Variants in CDKL3 observed in about 807,000 individuals in gnomAD.
CDKL3 encodes the protein cyclin-dependent kinase-like 3.
A neutral mutation model predicts 69.3 loss-of-function variants in CDKL3; 65 were observed. That is an observed-to-expected ratio of 0.94 (90% CI 0.77 to 1.15). The LOEUF (loss-of-function observed/expected upper bound fraction) is 1.15, where lower values mean the gene tolerates loss of function less well. CDKL3 is among the 50% of genes most tolerant of loss of function. The probability of loss-of-function intolerance (pLI) is 0.00; values close to 1 mark genes in which losing one functional copy is unlikely to be tolerated. For missense variants in CDKL3, 652 were observed against 689.2 expected (o/e 0.95, Z 0.61); for synonymous variants, 202 against 221.6 (o/e 0.91, Z 0.79).
intron 3 of CDKL3, among the ~76,000 whole-genome samples, chr5:134,353,785 CTT>C (rs1421609070): frequency 1.3e-5 from 2 of 152,056 alleles, no homozygotes; most frequent in African/African-American, 2.4e-5. Flanking sequence ...GTCTCGATCT[CTT>C]GACCTTGTGA....
At chr5:134,288,028 G>T (rs1168007488) in intron 8 of CDKL3, among the ~76,000 whole-genome samples, 1 of 151,660 alleles carries the variant, frequency 6.6e-6, no homozygotes, top group Admixed American at 6.6e-5. Flanking sequence ...CCGAGTAGCT[G>T]GGATTACAGA....
At chr5:134,288,705 T>C (rs2149403398) in intron 8 of CDKL3, among the ~76,000 whole-genome samples, 1 of 152,278 alleles carries the variant, frequency 6.6e-6, no homozygotes, top group East Asian at 1.9e-4. Flanking sequence ...ACTACTAAAT[T>C]TCATCACTAC....
At chr5:134,349,958 C>G (rs1752852644) in intron 4 of CDKL3, among the ~76,000 whole-genome samples, 1 of 152,088 alleles carries the variant, frequency 6.6e-6, no homozygotes, top group Non-Finnish European at 1.5e-5. Flanking sequence ...GAGGCCGAGG[C>G]AGGTAGATCA....
intron 4 of CDKL3, among the ~76,000 whole-genome samples, chr5:134,334,903 G>A (rs546459117): frequency 2.6e-5 from 4 of 152,254 alleles, no homozygotes; most frequent in Admixed American, 6.5e-5. Context: ...GTCTGATATT[G>A]ACCGTGGGGT....
chr5:134,329,077 A>G (rs573215130), intron 4 of CDKL3, among the ~76,000 whole-genome samples: 24 of 152,348 alleles, frequency 1.6e-4, no homozygotes, highest in African/African-American at 5.8e-4. Context: ...ACAGTTCCTC[A>G]TACCTGTAAT....
At chr5:134,369,402 C>T (rs1276301992), upstream of CDKL3, among the ~76,000 whole-genome samples, 1 of 152,166 alleles carries the variant, frequency 6.6e-6, no homozygotes, top group Non-Finnish European at 1.5e-5. Context: ...CTTTTGTATC[C>T]ATTCGTCAGC....
intron 7 of CDKL3, among the ~76,000 whole-genome samples, chr5:134,309,408 T>C (rs923560220): frequency 1.3e-5 from 2 of 152,212 alleles, no homozygotes; most frequent in African/African-American, 4.8e-5. Context: ...AATAGAACTT[T>C]AAAAATGAAC....
intron 6 of CDKL3, among the ~76,000 whole-genome samples, chr5:134,315,823 A>G (rs1770911595): frequency 6.6e-6 from 1 of 152,206 alleles, no homozygotes; most frequent in Non-Finnish European, 1.5e-5. Context: ...CTCATCTCAA[A>G]TAACAATAAT....
intron 4 of CDKL3, among the ~76,000 whole-genome samples, chr5:134,322,898 G>T (rs556838869): frequency 6.6e-6 from 1 of 151,808 alleles, no homozygotes; most frequent in Non-Finnish European, 1.5e-5. Flanking sequence ...AAAATCACTT[G>T]AACCCGGGAG....
chr5:134,296,576 T>G (rs1308064381), downstream of CDKL3, among the ~76,000 whole-genome samples: 1 of 152,208 alleles, frequency 6.6e-6, no homozygotes, highest in Non-Finnish European at 1.5e-5. Context: ...AAAGGTGAAC[T>G]ATAAGACATA....
upstream of CDKL3, among the ~76,000 whole-genome samples, chr5:134,368,411 G>A (rs1238838105): frequency 2.6e-5 from 4 of 152,094 alleles, no homozygotes; most frequent in African/African-American, 9.7e-5. Flanking sequence ...GAGGTCAGGA[G>A]ATCGAGACCA....
intron 3 of CDKL3, among the ~76,000 whole-genome samples, chr5:134,357,418 T>C (rs1157895006): frequency 1.3e-5 from 2 of 151,430 alleles, no homozygotes; most frequent in Non-Finnish European, 2.9e-5. Context: ...CAGCCTGGGC[T>C]ACAGAGCAAG....
chr5:134,351,291 A>G (rs2149603797), intron 3 of CDKL3, among the ~76,000 whole-genome samples: 1 of 152,094 alleles, frequency 6.6e-6, no homozygotes, highest in Admixed American at 6.5e-5. Flanking sequence ...TTCCTGGTCA[A>G]TCTCACGTAC....
chr5:134,354,454 A>C (rs1167782067), intron 3 of CDKL3, among the ~76,000 whole-genome samples: 2 of 152,184 alleles, frequency 1.3e-5, no homozygotes, highest in Admixed American at 1.3e-4. Context: ...GTTTTGACTC[A>C]GTCTCCCTCC....
chr5:134,297,388 G>A (rs1160000539), downstream of CDKL3, among the ~76,000 whole-genome samples: 1 of 151,956 alleles, frequency 6.6e-6, no homozygotes, highest in Non-Finnish European at 1.5e-5. Flanking sequence ...ACCTATTTTG[G>A]TCCCTCAGAT....
At chr5:134,371,467 T>C (rs1177607832), upstream of CDKL3, 604 of 1,182,658 alleles carry the variant, frequency 5.1e-4, 1 homozygote, top group Non-Finnish European at 6.4e-4. Context: ...GGGTTGTTTG[T>C]CAGTCTCGGC....
At chr5:134,347,252 G>A (rs1048936219) in intron 4 of CDKL3, among the ~76,000 whole-genome samples, 2 of 150,954 alleles carry the variant, frequency 1.3e-5, no homozygotes, top group East Asian at 1.9e-4. Flanking sequence ...ATAATGGTAA[G>A]TGCTAGCAAA....
At chr5:134,310,183 ATTT>A (rs1769038065) in intron 7 of CDKL3, among the ~76,000 whole-genome samples, 1 of 150,908 alleles carries the variant, frequency 6.6e-6, no homozygotes, top group Non-Finnish European at 1.5e-5. Context: ...TATTATATTT[ATTT>A]ATTTATTATT....
rs112391128 is a variant in CDKL3, at chr5:134,304,728, T to G, written c.1459-161A>C. Reference sequence around the variant, plus strand: ...GAACACTATTGAACATATCAACAGATCAAACTCCAATAAAAGTTTCATAAA... The same window carrying G: ...GAACACTATTGAACATATCAACAGAGCAAACTCCAATAAAAGTTTCATAAA... On this transcript the variant is annotated intron_variant, in intron 10 of 12. Coordinates refer to ENST00000265334, the MANE Select transcript of CDKL3 (RefSeq NM_001113575.2). Among the ~76,000 whole-genome samples the G allele has an allele frequency of 9.8e-3, 1,490 of 151,826 alleles. 14 individuals carry two copies. The highest frequency in any genetic ancestry group is 0.032 in the African/African-American group (1,324 of 41,388).
Sources: gnomAD v4.1 joint callset for allele counts (sites outside exome capture counted in the v4.1 genomes callset) on GRCh38, gnomAD v4.1.1 for gene constraint, MANE v1.5 for transcripts, NCBI Gene and HGNC (gene_info 2026-07-23, HGNC 2026-07-21) for gene names.